DNAJC1: variants seen among roughly 807,000 people sequenced by gnomAD.
DNAJC1 encodes the protein dnaJ homolog subfamily C member 1.
DNAJC1 carries 58 observed loss-of-function variants against 76.6 expected under a neutral mutation model. That is an observed-to-expected ratio of 0.76 (90% CI 0.61 to 0.94). The LOEUF (loss-of-function observed/expected upper bound fraction) is 0.94. Ranked by LOEUF, DNAJC1 falls within the 40% of genes least tolerant of loss-of-function variation. The pLI is 0.00. For synonymous variants in DNAJC1, 258 were observed against 267.9 expected (o/e 0.96, Z 0.36); for missense variants, 689 against 677.3 (o/e 1.02, Z -0.19).
At chr10:21,904,641 A>T in intron 6 of DNAJC1, 29 bp from the exon 7 acceptor site, 1 of 1,402,248 alleles carries the variant, frequency 7.1e-7, no homozygotes, top group Non-Finnish European at 1.0e-6. Context: ...ACATAAATTA[A>T]CATAAAAATC....
intron 1 of DNAJC1, among the ~76,000 whole-genome samples, chr10:21,973,837 T>C (rs988366375): frequency 2.0e-5 from 3 of 151,940 alleles, no homozygotes; most frequent in African/African-American, 7.3e-5. Context: ...GTGCGGTGGC[T>C]CACACCTGTA....
intron 1 of DNAJC1, among the ~76,000 whole-genome samples, chr10:21,997,626 G>T (rs1216164485): frequency 6.6e-6 from 1 of 152,120 alleles, no homozygotes; most frequent in Non-Finnish European, 1.5e-5. Flanking sequence ...TTTTAGGGAA[G>T]TTCCTCCCAA....
At chr10:21,891,284 A>G (rs1176058863) in intron 7 of DNAJC1, among the ~76,000 whole-genome samples, 1 of 152,146 alleles carries the variant, frequency 6.6e-6, no homozygotes, top group Non-Finnish European at 1.5e-5. Flanking sequence ...CTTGAAACAA[A>G]TAAAAAGTTT....
At chr10:21,965,609 A>G (rs901001369) in intron 1 of DNAJC1, among the ~76,000 whole-genome samples, 3 of 152,222 alleles carry the variant, frequency 2.0e-5, no homozygotes, top group South Asian at 4.1e-4. Context: ...AGATATCCTG[A>G]TATCTGGAGA....
intron 8 of DNAJC1, among the ~76,000 whole-genome samples, chr10:21,843,988 G>C (rs1286404868): frequency 6.6e-6 from 1 of 152,150 alleles, no homozygotes; most frequent in Non-Finnish European, 1.5e-5. Context: ...TCTCATGGTA[G>C]TGAGTAAGTC....
At chr10:21,967,039 T>C (rs1466961164) in intron 1 of DNAJC1, among the ~76,000 whole-genome samples, 1 of 148,080 alleles carries the variant, frequency 6.8e-6, no homozygotes, top group Non-Finnish European at 1.5e-5. Context: ...TTACAGTATC[T>C]CTCAAAATTT....
chr10:21,873,079 C>T (rs191556850), intron 8 of DNAJC1, among the ~76,000 whole-genome samples: 3 of 152,204 alleles, frequency 2.0e-5, no homozygotes, highest in Non-Finnish European at 2.9e-5. Context: ...TTCTAATAAC[C>T]GGTGCACGCA....
At chr10:21,949,954 A>G (rs1223009501) in intron 1 of DNAJC1, among the ~76,000 whole-genome samples, 2 of 152,104 alleles carry the variant, frequency 1.3e-5, no homozygotes. Flanking sequence ...GTCCTGTACT[A>G]AAAATGTTCT....
At chr10:21,782,078 T>C (rs866956018) in intron 9 of DNAJC1, among the ~76,000 whole-genome samples, 10 of 151,580 alleles carry the variant, frequency 6.6e-5, no homozygotes, top group Admixed American at 5.3e-4. Flanking sequence ...ACACAAAAAA[T>C]CCTTCAAAAA....
In DNAJC1 at chr10:21,781,432, A is replaced by C. The variant is rs1009868532; in HGVS notation, c.1099-15123T>G. ...ATCAAACTAGAACTCAGGATTAAGA[A>C]ACTCACTCGCCGGGCGCGGTGGCTC... is the stretch of plus-strand genomic sequence containing the variant. On this transcript the variant is annotated intron_variant, in intron 9 of 11. Coordinates refer to ENST00000376980, the MANE Select transcript of DNAJC1 (RefSeq NM_022365.4). Among the ~76,000 whole-genome samples the C allele has an allele frequency of 5.3e-5, 8 of 152,326 alleles. No homozygotes were observed. The South Asian group carries it at 1.0e-3, about 20-fold the overall frequency.
intron 1 of DNAJC1, among the ~76,000 whole-genome samples, chr10:21,973,176 T>C (rs1838007107): frequency 6.6e-6 from 1 of 152,182 alleles, no homozygotes; most frequent in Admixed American, 6.5e-5. Context: ...AAAATTTCTA[T>C]GACCAAAGAA....
intron 8 of DNAJC1, among the ~76,000 whole-genome samples, chr10:21,831,627 C>G (rs1223500472): frequency 6.6e-6 from 1 of 151,650 alleles, no homozygotes; most frequent in Non-Finnish European, 1.5e-5. Context: ...CATCTCTACT[C>G]AAAATTCAAA....
intron 8 of DNAJC1, among the ~76,000 whole-genome samples, chr10:21,832,571 C>T (rs1459868705): frequency 2.0e-5 from 3 of 152,062 alleles, no homozygotes; most frequent in African/African-American, 7.2e-5. Flanking sequence ...ATTTTTACTT[C>T]TTCCTCCTCC....
chr10:21,987,012 C>T (rs1276347048), intron 1 of DNAJC1, among the ~76,000 whole-genome samples: 6 of 152,162 alleles, frequency 3.9e-5, no homozygotes, highest in African/African-American at 1.4e-4. Flanking sequence ...AAGTGATCCA[C>T]CCTCCTTGGC....
intron 7 of DNAJC1, among the ~76,000 whole-genome samples, chr10:21,893,485 G>A (rs780303858): frequency 2.6e-5 from 4 of 151,666 alleles, no homozygotes; most frequent in African/African-American, 7.3e-5. Context: ...AAAATTAGCC[G>A]GGCATGGTGG....
chr10:21,888,735 T>G (rs964402619), intron 7 of DNAJC1, among the ~76,000 whole-genome samples: 3 of 152,084 alleles, frequency 2.0e-5, no homozygotes, highest in African/African-American at 4.8e-5. Flanking sequence ...TGAGAACTTA[T>G]GAGCACAAAG....
At chr10:21,975,409 C>G (rs1296051098) in intron 1 of DNAJC1, among the ~76,000 whole-genome samples, 1 of 151,858 alleles carries the variant, frequency 6.6e-6, no homozygotes, top group African/African-American at 2.4e-5. Context: ...ATAGCAATAG[C>G]TGGGGGAAAA....
intron 7 of DNAJC1, among the ~76,000 whole-genome samples, chr10:21,886,526 C>CA (rs1027473055): frequency 6.6e-6 from 1 of 151,856 alleles, no homozygotes; most frequent in Non-Finnish European, 1.5e-5. Context: ...GCCACAACAA[C>CA]AAAAAAACTT....
chr10:21,840,982 G>C (rs1835565289), intron 8 of DNAJC1, among the ~76,000 whole-genome samples: 1 of 152,176 alleles, frequency 6.6e-6, no homozygotes, highest in Admixed American at 6.5e-5. Context: ...TGACAAACCT[G>C]ACAAAAACAA....
Sources: gnomAD v4.1 joint callset for allele counts (sites outside exome capture counted in the v4.1 genomes callset) on GRCh38, gnomAD v4.1.1 for gene constraint, MANE v1.5 for transcripts, NCBI Gene and HGNC (gene_info 2026-07-23, HGNC 2026-07-21) for gene names.